The following EPHB1 variants were observed in gnomAD, a reference collection of about 807,000 sequenced individuals.
The protein encoded by EPHB1 is ephrin type-B receptor 1.
Under a neutral mutation model 94.4 loss-of-function variants are expected in EPHB1, and 30 were observed. That is an observed-to-expected ratio of 0.32 (90% confidence interval 0.24 to 0.43). The LOEUF (loss-of-function observed/expected upper bound fraction) is 0.43, where lower values mean the gene tolerates loss of function less well. EPHB1 is among the 20% of genes least tolerant of loss of function. The pLI is 1.00. For missense variants in EPHB1, 1,055 were observed against 1,308.3 expected (o/e 0.81, Z 2.99); for synonymous variants, 522 against 489.1 (o/e 1.07, Z -0.89).
chr3:134,924,537 T>C (rs1029885861), intron 1 of EPHB1, among the ~76,000 whole-genome samples: 1 of 152,210 alleles, frequency 6.6e-6, no homozygotes, highest in Admixed American at 6.5e-5. Context: ...CATAATGATA[T>C]ATCACTACAC....
chr3:134,876,802 C>A (rs1174471155), intron 1 of EPHB1, among the ~76,000 whole-genome samples: 1 of 151,066 alleles, frequency 6.6e-6, no homozygotes, highest in Non-Finnish European at 1.5e-5. Flanking sequence ...GAATCAGGCA[C>A]TCCTCCTAAA....
intron 4 of EPHB1, among the ~76,000 whole-genome samples, chr3:135,111,783 G>A (rs911706973): frequency 2.6e-5 from 4 of 152,074 alleles, no homozygotes; most frequent in Non-Finnish European, 2.9e-5. Flanking sequence ...AGGTTCAAGC[G>A]ATTCTCCTGC....
Position 134,973,534 on chromosome 3 carries a change from C to T in EPHB1, c.805+21482C>T, listed in dbSNP as rs186479237. Among the ~76,000 whole-genome samples, 530 of 145,886 alleles carry T rather than the reference C, an allele frequency of 3.6e-3. 3 individuals carry two copies. The highest frequency in any genetic ancestry group is 7.4e-3 in the Middle Eastern group (2 of 272). Reference sequence around the variant, plus strand: ...GCAACCTCCACCTCCTGGGTTCAAGCGATTCTCCTTCCTCAGCCTCCTGAG... The same window carrying T: ...GCAACCTCCACCTCCTGGGTTCAAGTGATTCTCCTTCCTCAGCCTCCTGAG... On this transcript the variant is annotated intron_variant, in intron 3 of 15. Coordinates refer to ENST00000398015, the MANE Select transcript of EPHB1 (RefSeq NM_004441.5).
intron 1 of EPHB1, among the ~76,000 whole-genome samples, chr3:134,853,078 A>G (rs1034076589): frequency 2.0e-5 from 3 of 152,238 alleles, no homozygotes; most frequent in African/African-American, 7.2e-5. Flanking sequence ...AAGAAAGAGA[A>G]CAGAAATAGA....
At chr3:135,005,311 C>G (rs1247383740) in intron 3 of EPHB1, among the ~76,000 whole-genome samples, 3 of 152,202 alleles carry the variant, frequency 2.0e-5, no homozygotes, top group African/African-American at 7.2e-5. Context: ...GGCAGTCTGC[C>G]CATTCTCAGA....
chr3:135,249,624 G>A lies in EPHB1; in HGVS notation c.2846+133G>A, dbSNP rs965994782. 4.1e-5 allele frequency: 39 copies of A among 960,174 alleles called. No individual in the cohort carries two copies. In the Admixed American group the frequency reaches 6.7e-4, roughly 16 times the overall value. 59.5% of individuals were successfully genotyped at this position (960,174 alleles called of 1,614,324 possible). ...GTCTCTGTATAGACCAGGCCTGGAT[G>A]GGGAGCACCTTGGAAAGATGAAGGG... On this transcript the variant is annotated intron_variant, in intron 15 of 15. Coordinates refer to ENST00000398015, the MANE Select transcript of EPHB1 (RefSeq NM_004441.5).
intron 3 of EPHB1, among the ~76,000 whole-genome samples, chr3:135,090,821 T>G (rs769010941): frequency 6.6e-6 from 1 of 152,250 alleles, no homozygotes; most frequent in Non-Finnish European, 1.5e-5. Flanking sequence ...TGCTCTGCCA[T>G]TAAAAGAAGT....
chr3:135,137,455 G>T (rs3821505), intron 5 of EPHB1, among the ~76,000 whole-genome samples: 45,379 of 152,058 alleles, frequency 0.3, 6,987 homozygotes, highest in South Asian at 0.37. Flanking sequence ...TGATTCAGAG[G>T]GTGAATCTGA....
chr3:134,919,843 T>G (rs1187592529), intron 1 of EPHB1, among the ~76,000 whole-genome samples: 2 of 133,500 alleles, frequency 1.5e-5, no homozygotes, highest in Non-Finnish European at 3.4e-5. Flanking sequence ...AGGGCAGGGG[T>G]GTGTGTGTGT....
chr3:134,836,360 A>T (rs1451551033), intron 1 of EPHB1, among the ~76,000 whole-genome samples: 3 of 152,230 alleles, frequency 2.0e-5, no homozygotes, highest in Non-Finnish European at 1.5e-5. Context: ...GCTTTAAAAG[A>T]TGCATTTAAA....
At chr3:135,249,601 CT>C in intron 15 of EPHB1, 110 bp downstream of exon 15, 1 of 1,309,124 alleles carries the variant, frequency 7.6e-7, no homozygotes, top group Non-Finnish European at 1.1e-6. Context: ...GGAGCTCCGT[CT>C]CTGTATAGAC....
At chr3:134,820,372 C>CCT (rs573345794) in intron 1 of EPHB1, among the ~76,000 whole-genome samples, 20 of 152,318 alleles carry the variant, frequency 1.3e-4, no homozygotes, top group Middle Eastern at 6.8e-3. Context: ...CTAAGGGAGG[C>CCT]CTCTCTACCA....
chr3:134,993,725 A>G lies in EPHB1; in HGVS notation c.805+41673A>G, dbSNP rs75073161. Among the ~76,000 whole-genome samples the G allele has an allele frequency of 4.7e-3, 720 of 152,314 alleles. 5 individuals carry two copies. The highest frequency in any genetic ancestry group is 0.017 in the African/African-American group (694 of 41,564). On this transcript the variant is annotated intron_variant, in intron 3 of 15. Transcript: ENST00000398015. ...GAGCCTCCTTTTTGGAAAAGATTTC[A>G]GTGGCTCCCCATCACCCTTAAATGT...
intron 12 of EPHB1, among the ~76,000 whole-genome samples, chr3:135,232,798 C>T (rs1261561773): frequency 6.6e-6 from 1 of 152,140 alleles, no homozygotes; most frequent in Non-Finnish European, 1.5e-5. Flanking sequence ...AGGAAACTTA[C>T]AATCATGGTG....
At chr3:134,857,039 T>C (rs2037136770) in intron 1 of EPHB1, among the ~76,000 whole-genome samples, 1 of 152,220 alleles carries the variant, frequency 6.6e-6, no homozygotes, top group Non-Finnish European at 1.5e-5. Flanking sequence ...GTTCTTTTTG[T>C]TGTGGGAATT....
chr3:135,167,871 G>C (rs1941693929), intron 9 of EPHB1, among the ~76,000 whole-genome samples: 2 of 152,178 alleles, frequency 1.3e-5, no homozygotes, highest in Admixed American at 6.5e-5. Context: ...TGCAAAGTAA[G>C]GCTGGTGCTT....
At chr3:135,154,109 T>C (rs1461139541) in intron 5 of EPHB1, 43 bp from the exon 6 acceptor site, 3 of 1,612,668 alleles carry the variant, frequency 1.9e-6, no homozygotes, top group South Asian at 1.1e-5. Flanking sequence ...TCCCCTATAA[T>C]TGAGTGTCTG....
chr3:135,092,143 A>G (rs1034988148), intron 3 of EPHB1, among the ~76,000 whole-genome samples: 6 of 152,192 alleles, frequency 3.9e-5, no homozygotes, highest in Admixed American at 6.5e-5. Flanking sequence ...TACCAGATTG[A>G]TGGTGTTTTT....
chr3:135,064,208 T>C (rs997213564), intron 3 of EPHB1, among the ~76,000 whole-genome samples: 5 of 152,162 alleles, frequency 3.3e-5, no homozygotes, highest in Non-Finnish European at 7.4e-5. Context: ...GCCAGTTTCA[T>C]AGAATGAATT....
Sources: allele counts gnomAD v4.1 joint callset (sites outside exome capture counted in the v4.1 genomes callset), GRCh38; gene constraint gnomAD v4.1.1; transcripts MANE v1.5; gene names NCBI Gene and HGNC (gene_info 2026-07-23, HGNC 2026-07-21).